UVRAG: variants seen among roughly 807,000 people sequenced by gnomAD.
UVRAG encodes the protein UV radiation resistance-associated gene protein.
In UVRAG, 19 loss-of-function variants were observed where a neutral mutation model predicts 78.0. The ratio of observed to expected loss-of-function variants is 0.24; its 90% CI spans 0.17 to 0.36. The LOEUF is 0.36. Ranked by LOEUF, UVRAG falls within the 10% of genes least tolerant of loss-of-function variation. UVRAG has a pLI of 1.00. For synonymous variants in UVRAG, 323 were observed against 324.6 expected, an observed-to-expected ratio of 1.00 and a Z score of 0.05; for missense variants, 740 against 853.8, an observed-to-expected ratio of 0.87 and a Z score of 1.66.
At chr11:75,877,953 G>C (rs1033444984) in intron 3 of UVRAG, among the ~76,000 whole-genome samples, 3 of 149,948 alleles carry the variant, frequency 2.0e-5, no homozygotes, top group African/African-American at 7.4e-5. Flanking sequence ...GGCTGGCCTG[G>C]TGGGGGCTGA....
In UVRAG at chr11:76,110,211, C is replaced by CATATATATATAT. The variant is rs10526191; in HGVS notation, c.1306-5704_1306-5693dup. ...GTGGAGAATATATATATATCTGGTA[C>CATATATATATAT]ATATATATATATATATATATGTATT... On this transcript the variant is annotated intron_variant, in intron 13 of 14. Coordinates refer to ENST00000356136, the MANE Select transcript of UVRAG (RefSeq NM_003369.4). 3.0e-3 allele frequency among the ~76,000 whole-genome samples: 404 copies of CATATATATATAT among 136,650 alleles called. 8 individuals are homozygous for CATATATATATAT. The highest frequency in any genetic ancestry group is 0.011 in the African/African-American group (365 of 33,690). The allele number at this position is 136,650 out of a possible 152,430, so 89.6% of individuals were successfully genotyped here.
At chr11:76,113,321 A>G (rs1274750801) in intron 13 of UVRAG, among the ~76,000 whole-genome samples, 1 of 152,080 alleles carries the variant, frequency 6.6e-6, no homozygotes, top group Non-Finnish European at 1.5e-5. Flanking sequence ...AATGTATGGG[A>G]AAGGGGATAA....
intron 6 of UVRAG, among the ~76,000 whole-genome samples, chr11:75,914,954 CTCCT>C (rs1165815369): frequency 6.6e-6 from 1 of 152,000 alleles, no homozygotes; most frequent in African/African-American, 2.4e-5. Flanking sequence ...AAACCAGGTG[CTCCT>C]TCATGCTGGG....
chr11:76,115,007 T>G (rs1952150476), intron 13 of UVRAG, among the ~76,000 whole-genome samples: 1 of 152,204 alleles, frequency 6.6e-6, no homozygotes, highest in African/African-American at 2.4e-5. Flanking sequence ...GAAAAACACA[T>G]TTTTGCAGAG....
chr11:76,010,625 T>A (rs745530598), intron 11 of UVRAG, among the ~76,000 whole-genome samples: 8 of 152,190 alleles, frequency 5.3e-5, no homozygotes, highest in African/African-American at 7.2e-5. Context: ...GGGTAAATCA[T>A]GTAATCTTTC....
chr11:76,108,626 G>C (rs916121320), intron 13 of UVRAG, among the ~76,000 whole-genome samples: 18 of 152,294 alleles, frequency 1.2e-4, no homozygotes, highest in Middle Eastern at 3.4e-3. Context: ...ATACAAAAAG[G>C]GGGTATAGGA....
At chr11:75,976,631 C>A (rs1420374099) in intron 7 of UVRAG, among the ~76,000 whole-genome samples, 4 of 152,026 alleles carry the variant, frequency 2.6e-5, no homozygotes, top group South Asian at 2.1e-4. Context: ...TCTATTTCTT[C>A]TAGATTTTCT....
intron 6 of UVRAG, among the ~76,000 whole-genome samples, chr11:75,950,670 T>C (rs992028747): frequency 5.3e-5 from 8 of 152,168 alleles, no homozygotes; most frequent in African/African-American, 1.7e-4. Context: ...CCTCCAGCAA[T>C]GTTTGAAAAG....
chr11:75,970,709 G>C (rs1949106488), intron 7 of UVRAG, among the ~76,000 whole-genome samples: 1 of 148,422 alleles, frequency 6.7e-6, no homozygotes, highest in African/African-American at 2.5e-5. Context: ...CTCCAGCCTG[G>C]GCAACAGAGC....
At chr11:76,054,225 A>G (rs1440411054) in intron 12 of UVRAG, among the ~76,000 whole-genome samples, 6 of 151,582 alleles carry the variant, frequency 4.0e-5, no homozygotes, top group African/African-American at 1.5e-4. Context: ...GTCATCCTTG[A>G]CTCCTCTTCC....
chr11:75,923,217 T>C (rs1948017757), intron 6 of UVRAG, among the ~76,000 whole-genome samples: 1 of 151,900 alleles, frequency 6.6e-6, no homozygotes, highest in African/African-American at 2.4e-5. Flanking sequence ...TTTCCACATT[T>C]ATTAATATTA....
Position 75,903,608 on chromosome 11 carries a change from A to C in UVRAG, c.508-8346A>C, listed in dbSNP as rs555536866. Among the ~76,000 whole-genome samples, 3 of 152,302 alleles carry C rather than the reference A, an allele frequency of 2.0e-5. No homozygotes were observed. The South Asian group carries it at 6.2e-4, about 32-fold the overall frequency. On this transcript the variant is annotated intron_variant, in intron 5 of 14. Transcript: ENST00000356136. Reference sequence around the variant, plus strand: ...CAGTACTACTTAATCCATCCCAAATACTGCCACCCCTGCAGTCTTTGATGT... The same window carrying C: ...CAGTACTACTTAATCCATCCCAAATCCTGCCACCCCTGCAGTCTTTGATGT...
rs1949075480 is a variant in UVRAG, at chr11:75,968,907, A to G, written c.699+7358A>G. 2.0e-5 allele frequency among the ~76,000 whole-genome samples: 3 copies of G among 152,240 alleles called. No homozygotes were observed. In the South Asian group the frequency reaches 6.2e-4, roughly 32 times the overall value. On this transcript the variant is annotated intron_variant, in intron 7 of 14. Coordinates refer to ENST00000356136, the MANE Select transcript of UVRAG (RefSeq NM_003369.4). ...TTCTTGATTATACTATTGCATTGCT[A>G]AAGAAAACTCAGATTGTTTCTTCGT...
At chr11:75,957,256 G>A (rs1948817103) in intron 6 of UVRAG, among the ~76,000 whole-genome samples, 1 of 151,956 alleles carries the variant, frequency 6.6e-6, no homozygotes, top group Non-Finnish European at 1.5e-5. Flanking sequence ...AGTAGGGGAT[G>A]AGATTGATTT....
At chr11:75,967,665 C>T (rs1027424977) in intron 7 of UVRAG, among the ~76,000 whole-genome samples, 1 of 152,042 alleles carries the variant, frequency 6.6e-6, no homozygotes, top group Admixed American at 6.5e-5. Flanking sequence ...TTTTTCTGAA[C>T]AAAAGGTTTA....
Position 75,911,310 on chromosome 11 carries a change from C to T in UVRAG, c.508-644C>T, listed in dbSNP as rs370947093. ...GTTGTCGGGATAGATTCTGCAGGCT[C>T]TTGTGCTAGCCCAAAGGTGCCCAGC... On this transcript the variant is annotated intron_variant, in intron 5 of 14. Transcript: ENST00000356136. 18 of 169,300 alleles carry T rather than the reference C, an allele frequency of 1.1e-4. No homozygotes were observed. In the East Asian group the frequency reaches 2.3e-3, roughly 22 times the overall value. 10.5% of individuals were successfully genotyped at this position (169,300 alleles called of 1,614,324 possible).
At chr11:75,919,674 C>T (rs1173631556) in intron 6 of UVRAG, among the ~76,000 whole-genome samples, 1 of 152,328 alleles carries the variant, frequency 6.6e-6, no homozygotes, top group Non-Finnish European at 1.5e-5. Flanking sequence ...TTGGCCAAAG[C>T]ACATGTCTGT....
At chr11:75,894,788 A>T (rs1424622419) in intron 5 of UVRAG, among the ~76,000 whole-genome samples, 2 of 143,096 alleles carry the variant, frequency 1.4e-5, no homozygotes, top group African/African-American at 5.3e-5. Context: ...ACAAAGTGAG[A>T]CTCCCGTCTC....
At chr11:75,985,154 C>CTTTTTTTTTTTTTT (rs796594987) in intron 8 of UVRAG, among the ~76,000 whole-genome samples, 1 of 128,610 alleles carries the variant, frequency 7.8e-6, no homozygotes, top group African/African-American at 2.8e-5. Context: ...AATTTCTTTT[C>CTTTTTTTTTTTTTT]TTTTTTTTTT....
Sources: allele counts gnomAD v4.1 joint callset (sites outside exome capture counted in the v4.1 genomes callset), GRCh38; gene constraint gnomAD v4.1.1; transcripts MANE v1.5; gene names NCBI Gene and HGNC (gene_info 2026-07-23, HGNC 2026-07-21).